IL34: variants seen among roughly 807,000 people sequenced by gnomAD.
The protein encoded by IL34 is interleukin-34.
In IL34, 17 loss-of-function variants were observed where a neutral mutation model predicts 25.3. The observed-to-expected ratio is 0.67, with a 90% CI of 0.46 to 1.01. The LOEUF (loss-of-function observed/expected upper bound fraction) is 1.01, where lower values mean the gene tolerates loss of function less well. Ranked by LOEUF, IL34 falls within the 50% of genes least tolerant of loss-of-function variation. IL34 has a pLI of 0.00. For synonymous variants in IL34, 174 were observed against 140.9 expected (o/e 1.23, Z -1.66); for missense variants, 368 against 312.9 (o/e 1.18, Z -1.33).
intron 1 of IL34, among the ~76,000 whole-genome samples, chr16:70,631,014 G>GT (rs1396135618): frequency 6.6e-6 from 1 of 152,206 alleles, no homozygotes; most frequent in Admixed American, 6.5e-5. Context: ...ATACCTGGCA[G>GT]TGAAGTTGCT....
chr16:70,603,338 G>C (rs941908852), intron 1 of IL34, among the ~76,000 whole-genome samples: 2 of 152,048 alleles, frequency 1.3e-5, no homozygotes, highest in African/African-American at 4.8e-5. Flanking sequence ...AGAGTGCAGT[G>C]GTGCGATCTC....
At chr16:70,652,281 C>T (rs1469714373) in intron 1 of IL34, among the ~76,000 whole-genome samples, 1 of 151,930 alleles carries the variant, frequency 6.6e-6, no homozygotes, top group Non-Finnish European at 1.5e-5. Flanking sequence ...AACAGCAAGA[C>T]CTCCTCTCTA....
intron 1 of IL34, among the ~76,000 whole-genome samples, chr16:70,640,073 AAT>A (rs1369685062): frequency 1.3e-5 from 2 of 152,234 alleles, no homozygotes. Context: ...GAATAAATTT[AAT>A]AGTTTACTAT....
chr16:70,654,693 G>A (rs758003830), intron 2 of IL34, 22 bp downstream of exon 2: 2 of 1,587,968 alleles, frequency 1.3e-6, no homozygotes, highest in South Asian at 2.2e-5. Context: ...GGCACCAGCT[G>A]TGTCCCTGTC....
chr16:70,644,389 G>A (rs2051857416), upstream of IL34, among the ~76,000 whole-genome samples: 1 of 152,044 alleles, frequency 6.6e-6, no homozygotes, highest in African/African-American at 2.4e-5. Flanking sequence ...TTGAATCTGA[G>A]TAACTGCTAT....
intron 1 of IL34, among the ~76,000 whole-genome samples, chr16:70,595,327 C>T (rs1392203612): frequency 6.8e-6 from 1 of 147,554 alleles, no homozygotes; most frequent in Non-Finnish European, 1.5e-5. Context: ...TCCTCTAATT[C>T]CTTCTCCTTC....
chr16:70,660,230 T>G lies in IL34; in HGVS notation c.*43T>G. ...TGCGGATAGGGGCAGCCAGACCAGC[T>G]CCCACAGGAGTTCAACTGGGTCTGA... On this transcript the variant is annotated 3_prime_UTR_variant, in exon 6 of 6. Coordinates refer to ENST00000288098, the MANE Select transcript of IL34 (RefSeq NM_001393494.1). 1 of 1,496,748 alleles carries G rather than the reference T, an allele frequency of 6.7e-7. No homozygotes were observed. Among genetic ancestry groups the G allele is most frequent in the Middle Eastern group, 2.2e-4 (1 of 4,544 alleles). 92.7% of individuals were successfully genotyped at this position (1,496,748 alleles called of 1,614,324 possible).
chr16:70,656,750 G>T, intron 3 of IL34, 71 bp downstream of exon 3: 2 of 964,212 alleles, frequency 2.1e-6, no homozygotes, highest in Admixed American at 1.7e-5. Flanking sequence ...CCTCAGAGGC[G>T]CGCTGGGACT....
At chr16:70,621,616 C>T (rs540497414) in intron 1 of IL34, among the ~76,000 whole-genome samples, 12 of 152,216 alleles carry the variant, frequency 7.9e-5, no homozygotes, top group East Asian at 1.9e-4. Flanking sequence ...AAATTTCATG[C>T]GCGTCCGTGT....
At chr16:70,614,937 T>A (rs1266140976) in intron 1 of IL34, among the ~76,000 whole-genome samples, 1 of 152,220 alleles carries the variant, frequency 6.6e-6, no homozygotes, top group Non-Finnish European at 1.5e-5. Context: ...GAGAATAAAC[T>A]CATACGGTTT....
chr16:70,641,798 C>A (rs1244986891), upstream of IL34, among the ~76,000 whole-genome samples: 1 of 26,764 alleles, frequency 3.7e-5, no homozygotes, highest in Non-Finnish European at 6.3e-5. Context: ...AACTCCTGGG[C>A]TCAAGCAATC....
chr16:70,619,329 G>GGAGAC (rs1242018065), intron 1 of IL34, among the ~76,000 whole-genome samples: 1 of 152,058 alleles, frequency 6.6e-6, no homozygotes, highest in Non-Finnish European at 1.5e-5. Context: ...GAATACAAGA[G>GGAGAC]GAGACGCAAA....
intron 1 of IL34, among the ~76,000 whole-genome samples, chr16:70,649,434 C>T (rs190593185): frequency 6.6e-6 from 1 of 152,324 alleles, no homozygotes. Context: ...GGTAAACTGA[C>T]ATGGCACACT....
At chr16:70,601,025 G>A (rs2050908353) in intron 1 of IL34, among the ~76,000 whole-genome samples, 1 of 149,598 alleles carries the variant, frequency 6.7e-6, no homozygotes, top group Admixed American at 6.7e-5. Context: ...GCTGGGAGAA[G>A]TAGGGGATGA....
chr16:70,609,961 T>C (rs1438502775), intron 1 of IL34, among the ~76,000 whole-genome samples: 1 of 152,122 alleles, frequency 6.6e-6, no homozygotes, highest in African/African-American at 2.4e-5. Flanking sequence ...CCCAGCACTT[T>C]GGGAGGCCAA....
intron 4 of IL34, 121 bp from the exon 5 acceptor site, chr16:70,659,497 C>T: frequency 1.6e-6 from 2 of 1,276,348 alleles, no homozygotes; most frequent in Non-Finnish European, 2.1e-6. Context: ...GGCTCATGGT[C>T]ACAGGAAGTC....
chr16:70,612,336 T>TGGGGGCC (rs71151196), intron 1 of IL34, among the ~76,000 whole-genome samples: 1 of 151,344 alleles, frequency 6.6e-6, no homozygotes, highest in African/African-American at 2.4e-5. Context: ...GGCTGGGGGC[T>TGGGGGCC]AGGGGGATCT....
chr16:70,621,141 C>T (rs1225386887), intron 1 of IL34, among the ~76,000 whole-genome samples: 1 of 152,004 alleles, frequency 6.6e-6, no homozygotes, highest in Non-Finnish European at 1.5e-5. Flanking sequence ...TTGAGGGGTA[C>T]TTGCCCCTGC....
chr16:70,654,365 C>G, intron 1 of IL34, 173 bp from the exon 2 acceptor site: 1 of 810,370 alleles, frequency 1.2e-6, no homozygotes, highest in Non-Finnish European at 1.9e-6. Flanking sequence ...CCTTGCTGTT[C>G]TGGAGCCAGA....
Sources: gnomAD v4.1 joint callset for allele counts (sites outside exome capture counted in the v4.1 genomes callset) on GRCh38, gnomAD v4.1.1 for gene constraint, MANE v1.5 for transcripts, NCBI Gene and HGNC (gene_info 2026-07-23, HGNC 2026-07-21) for gene names.